The following FARS2 variants were observed in gnomAD, a reference collection of about 807,000 sequenced individuals.
FARS2 encodes the protein phenylalanyl-tRNA synthetase 2, mitochondrial, also known as phenylalanine--tRNA ligase, mitochondrial.
Under a neutral mutation model 46.4 loss-of-function variants are expected in FARS2, and 40 were observed. The ratio of observed to expected loss-of-function variants is 0.86; its 90% CI spans 0.67 to 1.12. FARS2 has a LOEUF of 1.12. FARS2 is among the 50% of genes most tolerant of loss of function. FARS2 has a pLI of 0.00. For missense variants in FARS2, 513 were observed against 567.9 expected (o/e 0.90, Z 0.98); for synonymous variants, 234 against 214.9 (o/e 1.09, Z -0.78).
At position 5,613,321 on chromosome 6, in the gene FARS2, G is replaced by C; in HGVS notation, c.1217+1G>C. ...TCATAGACAAGTTTGTACATCCAAA[G>C]TAAGTGAAAAGCTTTCTGATTTTAC... On this transcript the variant is annotated splice_donor_variant, in intron 6 of 6. Transcript: ENST00000274680. LOFTEE classifies it high-confidence loss of function. 1.2e-6 allele frequency: 2 copies of C among 1,611,276 alleles called. No individual in the cohort carries two copies. The highest frequency in any genetic ancestry group is 1.1e-5 in the South Asian group (1 of 90,560).
At chr6:5,689,278 T>C (rs1757497171) in intron 6 of FARS2, among the ~76,000 whole-genome samples, 1 of 152,224 alleles carries the variant, frequency 6.6e-6, no homozygotes, top group Non-Finnish European at 1.5e-5. Context: ...CTAGTTCTTT[T>C]AATTGTGATG....
chr6:5,260,499 G>T, upstream of FARS2: 3 of 1,079,288 alleles, frequency 2.8e-6, no homozygotes, highest in Non-Finnish European at 3.9e-6. Context: ...GCAGGAGCAC[G>T]CTTTTCGATG....
At chr6:5,506,306 G>C (rs577722534) in intron 4 of FARS2, among the ~76,000 whole-genome samples, 2 of 152,332 alleles carry the variant, frequency 1.3e-5, no homozygotes, top group East Asian at 3.9e-4. Context: ...GTGGGGTCAG[G>C]AGAGTCACTC....
chr6:5,410,076 A>T (rs1000277789), intron 3 of FARS2, among the ~76,000 whole-genome samples: 1 of 152,070 alleles, frequency 6.6e-6, no homozygotes, highest in African/African-American at 2.4e-5. Context: ...CTCACACTGA[A>T]TGTTAACAAT....
intron 4 of FARS2, among the ~76,000 whole-genome samples, chr6:5,507,550 T>G (rs2150394909): frequency 6.6e-6 from 1 of 152,214 alleles, no homozygotes; most frequent in East Asian, 1.9e-4. Flanking sequence ...GAGTGTGTAA[T>G]TGGCAGGCTG....
chr6:5,358,257 AT>A (rs1351469893), intron 1 of FARS2, among the ~76,000 whole-genome samples: 2 of 151,966 alleles, frequency 1.3e-5, no homozygotes, highest in Non-Finnish European at 2.9e-5. Context: ...GGAAAACTTG[AT>A]TCTTTTTCAT....
At chr6:5,757,576 CTGCTAG>C (rs1762272487) in intron 6 of FARS2, among the ~76,000 whole-genome samples, 1 of 152,314 alleles carries the variant, frequency 6.6e-6, no homozygotes, top group Admixed American at 6.5e-5. Context: ...CTTATGAAAC[CTGCTAG>C]TGCTTTGAGG....
intron 5 of FARS2, among the ~76,000 whole-genome samples, chr6:5,578,549 C>T (rs1181950830): frequency 1.3e-5 from 2 of 151,886 alleles, no homozygotes; most frequent in African/African-American, 4.8e-5. Context: ...GTGGCTCACC[C>T]CAGTAATCCC....
intron 1 of FARS2, among the ~76,000 whole-genome samples, chr6:5,308,392 C>T (rs116052455): frequency 0.014 from 2,158 of 152,298 alleles, 43 homozygotes; most frequent in African/African-American, 0.049. Flanking sequence ...CAGCAACTCC[C>T]GATGGATGCC....
intron 5 of FARS2, among the ~76,000 whole-genome samples, chr6:5,552,095 T>C (rs1044963568): frequency 6.6e-6 from 1 of 152,206 alleles, no homozygotes; most frequent in African/African-American, 2.4e-5. Context: ...GACAGATTGC[T>C]TGCCTTCAGA....
rs1249498445 is a variant in FARS2, at chr6:5,613,300, A to C, written c.1197A>C (p.Ile399=). ...GGDLVEKVDL[I]DKFVHPKTHK... is the part of the protein sequence containing the mutation. ...ACCTGGTGGAAAAGGTTGATCTCAT[A>C]GACAAGTTTGTACATCCAAAGTAAG... The change falls in exon 6 of 7, where the codon ATA becomes ATC. Residue 399 remains isoleucine (I), a synonymous_variant. Transcript: ENST00000274680. The C allele has an allele frequency of 1.2e-6, 2 of 1,613,110 alleles. No homozygotes were observed. The highest frequency in any genetic ancestry group is 2.7e-5 in the African/African-American group (2 of 74,916).
Position 5,686,170 on chromosome 6 carries a change from G to C in FARS2, c.1217+72850G>C, listed in dbSNP as rs547681918. ...GCAGAAGTCATGCAGGTTTGATATT[G>C]TGGATGATAACAGTCTTTCTTTCTA... On this transcript the variant is annotated intron_variant, in intron 6 of 6. Coordinates refer to ENST00000274680, the MANE Select transcript of FARS2 (RefSeq NM_006567.5). Among the ~76,000 whole-genome samples, 8 of 152,156 alleles carry C rather than the reference G, an allele frequency of 5.3e-5. No individual in the cohort carries two copies. The South Asian group carries it at 1.2e-3, about 24-fold the overall frequency.
chr6:5,662,216 T>C (rs1777882571), intron 6 of FARS2, among the ~76,000 whole-genome samples: 1 of 152,226 alleles, frequency 6.6e-6, no homozygotes, highest in African/African-American at 2.4e-5. Flanking sequence ...TGTCAGCTCT[T>C]TTATTACAAA....
chr6:5,404,790 TA>T, intron 3 of FARS2, 89 bp downstream of exon 3: 6 of 880,974 alleles, frequency 6.8e-6, no homozygotes, highest in Non-Finnish European at 9.6e-6. Flanking sequence ...TTTTTTTTCA[TA>T]TTTTGAAATT....
At chr6:5,260,890 G>C, upstream of FARS2, 1 of 1,404,792 alleles carries the variant, frequency 7.1e-7, no homozygotes. Context: ...GGGCAGCCCT[G>C]CGGATCGCGG....
At chr6:5,584,108 GAC>G (rs143867485) in intron 5 of FARS2, among the ~76,000 whole-genome samples, 101 of 122,904 alleles carry the variant, frequency 8.2e-4, no homozygotes, top group South Asian at 1.9e-3. Flanking sequence ...TTCTCTCTCT[GAC>G]ACACACACAC....
intron 3 of FARS2, among the ~76,000 whole-genome samples, chr6:5,429,135 G>A (rs918755019): frequency 2.0e-5 from 3 of 152,198 alleles, no homozygotes; most frequent in African/African-American, 7.2e-5. Context: ...GCATGAGAAA[G>A]CTGGGAGGTG....
intron 6 of FARS2, among the ~76,000 whole-genome samples, chr6:5,621,812 C>T (rs549960641): frequency 6.6e-6 from 1 of 152,340 alleles, no homozygotes; most frequent in East Asian, 1.9e-4. Context: ...TGAATCAAAA[C>T]TGGAAAGCTC....
intron 4 of FARS2, among the ~76,000 whole-genome samples, chr6:5,539,332 A>C (rs1462950681): frequency 7.0e-6 from 1 of 143,350 alleles, no homozygotes; most frequent in African/African-American, 2.6e-5. Context: ...TCAGCCTCCC[A>C]AGTAGCTGGG....
Sources: allele counts gnomAD v4.1 joint callset (sites outside exome capture counted in the v4.1 genomes callset), GRCh38; gene constraint gnomAD v4.1.1; transcripts MANE v1.5; gene names NCBI Gene and HGNC (gene_info 2026-07-23, HGNC 2026-07-21).